The following GNAL variants were observed in gnomAD, a reference collection of about 807,000 sequenced individuals.
GNAL encodes guanine nucleotide-binding protein G(olf) subunit alpha.
In GNAL, 18 loss-of-function variants were observed where a neutral mutation model predicts 55.1. That is an observed-to-expected ratio of 0.33 (90% CI 0.23 to 0.48). GNAL has a LOEUF of 0.48. Ranked by LOEUF, GNAL falls within the 20% of genes least tolerant of loss-of-function variation. The pLI, the probability that GNAL is intolerant of heterozygous loss-of-function variation, is 0.99. For missense variants in GNAL, 412 were observed against 614.1 expected (o/e 0.67, Z 3.48); for synonymous variants, 253 against 237.0 (o/e 1.07, Z -0.62).
At chr18:11,740,030 C>G (rs1038078423) in intron 1 of GNAL, among the ~76,000 whole-genome samples, 2 of 152,142 alleles carry the variant, frequency 1.3e-5, no homozygotes, top group Non-Finnish European at 2.9e-5. Flanking sequence ...CCTCCTTCCG[C>G]ATTCACTAGC....
intron 5 of GNAL, chr18:11,853,216 C>A (rs117509514): frequency 0.018 from 3,060 of 167,144 alleles, 36 homozygotes; most frequent in Non-Finnish European, 0.028. Flanking sequence ...CTTAGCCATG[C>A]AAGTCATTTA....
At chr18:11,786,365 T>A (rs1031444632) in intron 4 of GNAL, among the ~76,000 whole-genome samples, 4 of 150,986 alleles carry the variant, frequency 2.6e-5, no homozygotes, top group Non-Finnish European at 5.9e-5. Context: ...CAGATCTGAA[T>A]GAGAGATTTT....
intron 4 of GNAL, among the ~76,000 whole-genome samples, chr18:11,816,857 C>A: frequency 6.8e-6 from 1 of 148,094 alleles, no homozygotes; most frequent in African/African-American, 2.5e-5. Flanking sequence ...ATGTACGTAA[C>A]AAAATGGATG....
chr18:11,788,897 G>GGAAAAAA (rs1385387064), intron 4 of GNAL, among the ~76,000 whole-genome samples: 9 of 82,514 alleles, frequency 1.1e-4, no homozygotes, highest in African/African-American at 6.0e-4. Context: ...ACTCCGTCTC[G>GGAAAAAA]AAAAAAAAAA....
At chr18:11,780,738 C>T (rs1029344020) in intron 4 of GNAL, among the ~76,000 whole-genome samples, 4 of 152,118 alleles carry the variant, frequency 2.6e-5, no homozygotes, top group East Asian at 1.9e-4. Flanking sequence ...TGAATTAGAT[C>T]ACAGGCATGA....
chr18:11,797,178 C>T (rs1467304531), intron 4 of GNAL, among the ~76,000 whole-genome samples: 1 of 152,192 alleles, frequency 6.6e-6, no homozygotes, highest in African/African-American at 2.4e-5. Context: ...GTGATCCACC[C>T]CCCTTGGCCT....
chr18:11,709,330 TAAAAA>T lies in GNAL; in HGVS notation c.376+19405_376+19409del, dbSNP rs56700086. On this transcript the variant is annotated intron_variant, in intron 1 of 11. Coordinates refer to ENST00000334049, the MANE Select transcript of GNAL (RefSeq NM_182978.4). ...TTTAGGACTGTTTTCTCTATTTTTGTAAAAAAAAAAAAAAAAAAGTCATTAGGATT... is the reference window on the plus strand; with the variant it reads ...TTTAGGACTGTTTTCTCTATTTTTGTAAAAAAAAAAAAAGTCATTAGGATT... Among the ~76,000 whole-genome samples, 750 of 138,368 alleles carry T rather than the reference TAAAAA, an allele frequency of 5.4e-3. 5 individuals carry two copies. The highest frequency in any genetic ancestry group is 0.019 in the African/African-American group (715 of 37,588). The allele number at this position is 138,368 out of a possible 152,430, so 90.8% of individuals were successfully genotyped here.
chr18:11,826,258 A>G, intron 5 of GNAL, among the ~76,000 whole-genome samples: 1 of 131,154 alleles, frequency 7.6e-6, no homozygotes. Flanking sequence ...AGGAGCGGGG[A>G]GGGGGAAGGA....
chr18:11,864,494 G>A (rs1438563866), intron 6 of GNAL, 39 bp from the exon 7 acceptor site: 1 of 997,642 alleles, frequency 1.0e-6, no homozygotes, highest in Non-Finnish European at 1.6e-6. Context: ...AAGAAGAACA[G>A]TAATGTAACT....
chr18:11,741,647 G>A (rs987744241), intron 1 of GNAL, among the ~76,000 whole-genome samples: 3 of 152,186 alleles, frequency 2.0e-5, no homozygotes, highest in Non-Finnish European at 4.4e-5. Context: ...TATGATGAAT[G>A]AATGAATGAA....
intron 7 of GNAL, among the ~76,000 whole-genome samples, chr18:11,866,937 CCCCTGTA>C (rs2036276517): frequency 6.6e-6 from 1 of 152,102 alleles, no homozygotes; most frequent in Admixed American, 6.6e-5. Context: ...TGATCTGTCA[CCCCTGTA>C]GCCCCACTGT....
rs2031165910 is a variant in GNAL at position 11,689,547 on chromosome 18, C to G, written c.-17C>G. ...CTGCCCTAGTCCCGCGCGCCGCCCC[C>G]GCTGTGCCGCGCCCACATGGGTCTG... On this transcript the variant is annotated 5_prime_UTR_variant, in exon 1 of 12. Coordinates refer to ENST00000334049, the MANE Select transcript of GNAL (RefSeq NM_182978.4). 4 of 1,207,284 alleles carry G rather than the reference C, an allele frequency of 3.3e-6. No individual in the cohort carries two copies. The highest frequency in any genetic ancestry group is 4.2e-6 in the Non-Finnish European group (4 of 960,528). 74.8% of individuals were successfully genotyped at this position (1,207,284 alleles called of 1,614,324 possible). A position where few individuals can be genotyped will look rare whatever the true frequency, so the allele number is the denominator to read the frequency against.
rs988432290 is a variant in GNAL, at chr18:11,746,131, T to G, written c.377-6722T>G. The G allele has an allele frequency of 8.1e-5, 44 of 541,512 alleles. No individual in the cohort carries two copies. The Admixed American group carries it at 8.5e-4, about 10-fold the overall frequency. 33.5% of individuals were successfully genotyped at this position (541,512 alleles called of 1,614,324 possible). A position where few individuals can be genotyped will look rare whatever the true frequency, so the allele number is the denominator to read the frequency against. On this transcript the variant is annotated intron_variant, in intron 1 of 11. Coordinates refer to ENST00000334049, the MANE Select transcript of GNAL (RefSeq NM_182978.4). ...CTTTTAAAAGTGGAGCCTTTTGTTCTGGGACACTATGAAGTTTTGGATTTA... is the reference window on the plus strand; with the variant it reads ...CTTTTAAAAGTGGAGCCTTTTGTTCGGGGACACTATGAAGTTTTGGATTTA...
At chr18:11,761,852 T>C (rs1157640888) in intron 4 of GNAL, among the ~76,000 whole-genome samples, 1 of 152,252 alleles carries the variant, frequency 6.6e-6, no homozygotes, top group Non-Finnish European at 1.5e-5. Flanking sequence ...TCCTAAGGCA[T>C]GTTCTCTGGT....
intron 5 of GNAL, among the ~76,000 whole-genome samples, chr18:11,846,199 A>G (rs2035731112): frequency 6.6e-6 from 1 of 152,028 alleles, no homozygotes; most frequent in Non-Finnish European, 1.5e-5. Context: ...GAGGAGGAGA[A>G]TCACTGTGTT....
At chr18:11,864,077 G>A (rs1303456074) in intron 6 of GNAL, among the ~76,000 whole-genome samples, 1 of 148,020 alleles carries the variant, frequency 6.8e-6, no homozygotes, top group Non-Finnish European at 1.5e-5. Context: ...GAGAACATTC[G>A]TCTGAGTTCT....
intron 5 of GNAL, among the ~76,000 whole-genome samples, chr18:11,825,717 G>A (rs535478716): frequency 2.2e-4 from 23 of 102,236 alleles, no homozygotes; most frequent in African/African-American, 7.8e-4. Flanking sequence ...GGCGACAGAT[G>A]AGACTCTGTC....
intron 1 of GNAL, among the ~76,000 whole-genome samples, chr18:11,744,709 G>T (rs1206632445): frequency 6.6e-6 from 1 of 152,106 alleles, no homozygotes; most frequent in Non-Finnish European, 1.5e-5. Context: ...TTCACCTTTC[G>T]TAAACTGTTT....
intron 4 of GNAL, among the ~76,000 whole-genome samples, chr18:11,794,528 A>G (rs4797579): frequency 0.57 from 86,429 of 151,980 alleles, 27,756 homozygotes; most frequent in Admixed American, 0.73. Flanking sequence ...CAGAATAGGC[A>G]AATGTATAGA....
Sources: gnomAD v4.1 joint callset for allele counts (sites outside exome capture counted in the v4.1 genomes callset) on GRCh38, gnomAD v4.1.1 for gene constraint, MANE v1.5 for transcripts, NCBI Gene and HGNC (gene_info 2026-07-23, HGNC 2026-07-21) for gene names.